SRBD1: variants seen among roughly 807,000 people sequenced by gnomAD.
The protein encoded by SRBD1 is S1 RNA-binding domain-containing protein 1.
In SRBD1, 88 loss-of-function variants were observed where a neutral mutation model predicts 115.3. The observed-to-expected ratio is 0.76, with a 90% CI of 0.64 to 0.91. The LOEUF (loss-of-function observed/expected upper bound fraction) is 0.91. Ranked by LOEUF, SRBD1 falls within the 40% of genes least tolerant of loss-of-function variation. The pLI, the probability that SRBD1 is intolerant of heterozygous loss-of-function variation, is 0.00. For synonymous variants in SRBD1, 509 were observed against 407.7 expected, an observed-to-expected ratio of 1.25 and a Z score of -2.99; for missense variants, 1,385 against 1,177.4, an observed-to-expected ratio of 1.18 and a Z score of -2.58.
chr2:45,464,382 G>C (rs1298745478), intron 16 of SRBD1, among the ~76,000 whole-genome samples: 1 of 152,128 alleles, frequency 6.6e-6, no homozygotes, highest in Non-Finnish European at 1.5e-5. Flanking sequence ...AGAAACTTTT[G>C]CTCGCCAATT....
intron 16 of SRBD1, among the ~76,000 whole-genome samples, chr2:45,459,236 C>A (rs1361594139): frequency 6.6e-6 from 1 of 152,134 alleles, no homozygotes; most frequent in Non-Finnish European, 1.5e-5. Flanking sequence ...TAATAACTAA[C>A]AGAAGTTTAA....
chr2:45,556,994 G>C (rs1011104978), intron 10 of SRBD1, among the ~76,000 whole-genome samples: 3 of 152,110 alleles, frequency 2.0e-5, no homozygotes, highest in Non-Finnish European at 4.4e-5. Flanking sequence ...AGAAACATCT[G>C]AGATAGGTTT....
chr2:45,474,387 GA>G (rs1172938148), intron 16 of SRBD1, among the ~76,000 whole-genome samples: 3 of 152,198 alleles, frequency 2.0e-5, no homozygotes, highest in African/African-American at 7.2e-5. Context: ...GATAATGTGG[GA>G]AATGTGGGAC....
chr2:45,478,830 A>C (rs1376090795), intron 15 of SRBD1, among the ~76,000 whole-genome samples: 1 of 152,168 alleles, frequency 6.6e-6, no homozygotes, highest in Non-Finnish European at 1.5e-5. Flanking sequence ...ATACAGGGAT[A>C]CCTCATTGTA....
chr2:45,407,301 G>C (rs961143697), intron 19 of SRBD1, among the ~76,000 whole-genome samples: 1 of 152,116 alleles, frequency 6.6e-6, no homozygotes, highest in Non-Finnish European at 1.5e-5. Context: ...ATATTTTTCT[G>C]TCTCCAATTT....
chr2:45,476,073 A>C (rs766923061), intron 16 of SRBD1, among the ~76,000 whole-genome samples: 1 of 152,218 alleles, frequency 6.6e-6, no homozygotes, highest in African/African-American at 2.4e-5. Context: ...TATCTTTCTG[A>C]AATGAGTAAG....
chr2:45,389,367 T>G lies in SRBD1; in HGVS notation c.2931A>C (p.Val977=). ...LGPGERVEVQ[V]LNIDIPRSRI... ...TAGATCGGGGGATGTCAATGTTGAG[T>G]ACTTGGACTTCCACTCTTTCTCCGG... The change falls in exon 21 of 21, where the codon GTA becomes GTC. Residue 977 remains valine (V), a synonymous_variant. Coordinates refer to ENST00000263736, the MANE Select transcript of SRBD1 (RefSeq NM_018079.5). 6.2e-7 allele frequency: 1 copy of G among 1,614,052 alleles called. No homozygotes were observed. The highest frequency in any genetic ancestry group is 8.5e-7 in the Non-Finnish European group (1 of 1,179,968).
intron 15 of SRBD1, among the ~76,000 whole-genome samples, chr2:45,481,981 GTGAT>G (rs1432211421): frequency 6.6e-6 from 1 of 152,148 alleles, no homozygotes; most frequent in Non-Finnish European, 1.5e-5. Flanking sequence ...AGTAAAGGAA[GTGAT>G]TGCTAATGGG....
chr2:45,486,479 G>A (rs1670123002), intron 15 of SRBD1, among the ~76,000 whole-genome samples: 1 of 152,120 alleles, frequency 6.6e-6, no homozygotes, highest in African/African-American at 2.4e-5. Flanking sequence ...TGTAATCCCA[G>A]CACTTTGGGA....
rs772534267 is a variant in SRBD1 at position 45,419,754 on chromosome 2, G to T, written c.2156+34C>A. ...GGACTGGACAGCCAGTTAAACTCAA[G>T]ATTCTGTGATCTTCAGCCACATATT... On this transcript the variant is annotated intron_variant, in intron 17 of 20. Coordinates refer to ENST00000263736, the MANE Select transcript of SRBD1 (RefSeq NM_018079.5). The T allele has an allele frequency of 3.1e-5, 50 of 1,596,250 alleles. 1 individual carries two copies. In the Middle Eastern group the frequency reaches 1.2e-3, roughly 37 times the overall value.
At chr2:45,499,440 C>T (rs1395608998) in intron 14 of SRBD1, among the ~76,000 whole-genome samples, 4 of 152,122 alleles carry the variant, frequency 2.6e-5, no homozygotes, top group African/African-American at 9.7e-5. Context: ...TTCTCCCATT[C>T]AGTAGGTTGC....
intron 4 of SRBD1, among the ~76,000 whole-genome samples, chr2:45,586,128 A>G (rs776814196): frequency 1.3e-5 from 2 of 152,236 alleles, no homozygotes; most frequent in Non-Finnish European, 2.9e-5. Context: ...AAGGAAAGCC[A>G]TTTTTAGTCA....
intron 2 of SRBD1, among the ~76,000 whole-genome samples, chr2:45,604,774 C>G (rs1674213916): frequency 6.6e-6 from 1 of 152,192 alleles, no homozygotes; most frequent in Non-Finnish European, 1.5e-5. Flanking sequence ...TCACTATGCT[C>G]TCTATCCCCT....
chr2:45,552,368 A>AGAAAGTACTCTTGCTTATCTACTGCT (rs1672329357), intron 11 of SRBD1, among the ~76,000 whole-genome samples: 2 of 152,188 alleles, frequency 1.3e-5, no homozygotes, highest in Non-Finnish European at 2.9e-5. Flanking sequence ...AAAAAGAAAG[A>AGAAAGTACTCTTGCTTATCTACTGCT]GAAAGTACTC....
chr2:45,435,046 G>C (rs1283775993), intron 16 of SRBD1, among the ~76,000 whole-genome samples: 4 of 151,914 alleles, frequency 2.6e-5, no homozygotes, highest in African/African-American at 9.7e-5. Context: ...CCTTGCGATA[G>C]GTTTGCTCAG....
At chr2:45,415,783 G>C (rs560188844) in intron 18 of SRBD1, among the ~76,000 whole-genome samples, 7 of 80,350 alleles carry the variant, frequency 8.7e-5, no homozygotes, top group African/African-American at 1.6e-4. Flanking sequence ...GGAGAGGAGA[G>C]GAGAGGAGAG....
At chr2:45,437,423 G>A (rs1344493169) in intron 16 of SRBD1, among the ~76,000 whole-genome samples, 1 of 148,410 alleles carries the variant, frequency 6.7e-6, no homozygotes, top group East Asian at 2.0e-4. Context: ...CATATACATA[G>A]AGTCAACTGA....
intron 15 of SRBD1, among the ~76,000 whole-genome samples, chr2:45,484,567 T>G (rs1014827141): frequency 2.6e-5 from 4 of 152,232 alleles, no homozygotes; most frequent in African/African-American, 9.6e-5. Context: ...GGATGTTAAT[T>G]GTTATTGTTA....
chr2:45,573,266 C>T lies in SRBD1; in HGVS notation c.1246G>A (p.Asp416Asn). 1.9e-6 allele frequency: 3 copies of T among 1,612,278 alleles called. No individual in the cohort carries two copies. Among genetic ancestry groups the T allele is most frequent in the African/African-American group, 1.3e-5 (1 of 74,934 alleles). ...SSKKVNEKDV[D>N]KFLLYQHFSC... is the part of the protein sequence containing the mutation. ...AAATGCTGGTAGAGCAGAAACTTAT[C>T]AACATCTTTCTCATTTACCTTTTTT... is the stretch of plus-strand genomic sequence containing the variant. Residue 416 changes from aspartate (D) to asparagine (N), a missense_variant, in exon 9 of 21, where the codon GAT (aspartate) becomes AAT (asparagine). Coordinates refer to ENST00000263736, the MANE Select transcript of SRBD1 (RefSeq NM_018079.5).
Sources: allele counts gnomAD v4.1 joint callset (sites outside exome capture counted in the v4.1 genomes callset), GRCh38; gene constraint gnomAD v4.1.1; transcripts MANE v1.5; gene names NCBI Gene and HGNC (gene_info 2026-07-23, HGNC 2026-07-21).